The following PWWP3A variants were observed in gnomAD, a reference collection of about 807,000 sequenced individuals.
The protein encoded by PWWP3A is PWWP domain containing 3A, DNA repair factor, also known as PWWP domain-containing DNA repair factor 3A.
In PWWP3A, 53 loss-of-function variants were observed where a neutral mutation model predicts 79.0. That is an observed-to-expected ratio of 0.67 (90% CI 0.54 to 0.84). The LOEUF (loss-of-function observed/expected upper bound fraction) is 0.84, where lower values mean the gene tolerates loss of function less well. Ranked by LOEUF, PWWP3A falls within the 40% of genes least tolerant of loss-of-function variation. The pLI is 0.00. For synonymous variants in PWWP3A, 443 were observed against 394.4 expected (o/e 1.12, Z -1.46); for missense variants, 973 against 948.0 (o/e 1.03, Z -0.35).
chr19:1,360,612 G>A lies in PWWP3A; in HGVS notation c.691G>A (p.Gly231Arg). ...SAQKASLCLN[G>R]SSLSEDDTER... is the part of the protein sequence containing the mutation. ...GCAGAAGGCTAGCTTGTGCCTGAAT[G>A]GATCTTCCCTTTCAGAGGACGACAC... Residue 231 changes from glycine to arginine, a missense_variant, in exon 5 of 14, where the codon GGA (glycine) becomes AGA (arginine). Gly to Arg is a moderately radical substitution (Grantham distance 125). Coordinates refer to ENST00000591337, the MANE Select transcript of PWWP3A (RefSeq NM_001369789.1). This position sits in a 1 kb window ranked among gnomAD's most constrained non-coding sequence, Gnocchi z 4.4. 1.2e-6 allele frequency: 2 copies of A among 1,614,126 alleles called. No individual in the cohort carries two copies. The highest frequency in any genetic ancestry group is 1.7e-6 in the Non-Finnish European group (2 of 1,179,976).
chr19:1,376,856 C>G lies in PWWP3A; in HGVS notation c.*280C>G. The G allele has an allele frequency of 2.9e-6, 1 of 344,686 alleles. No homozygotes were observed. Among genetic ancestry groups the G allele is most frequent in the South Asian group, 5.0e-5 (1 of 19,896 alleles). The allele number at this position is 344,686 out of a possible 1,614,324, so 21.4% of individuals were successfully genotyped here. A position where few individuals can be genotyped will look rare whatever the true frequency, so the allele number is the denominator to read the frequency against. On this transcript the variant is annotated 3_prime_UTR_variant, in exon 14 of 14. Transcript: ENST00000591337. ...TTTTGAAAGGACGGAAGCGTATTCA[C>G]TGTGCGCCAGTACTCCTGGCTGTGC... is the stretch of plus-strand genomic sequence containing the variant.
intron 8 of PWWP3A, among the ~76,000 whole-genome samples, chr19:1,366,692 C>G (rs1001474118): frequency 6.6e-6 from 1 of 152,242 alleles, no homozygotes; most frequent in African/African-American, 2.4e-5. Flanking sequence ...CACAAACCAG[C>G]AAAATGTCCA....
chr19:1,360,228 A>T lies in PWWP3A; in HGVS notation c.307A>T (p.Ile103Phe). 1.9e-6 allele frequency: 3 copies of T among 1,613,900 alleles called. No homozygotes were observed. The highest frequency in any genetic ancestry group is 2.5e-6 in the Non-Finnish European group (3 of 1,179,916). The change falls in exon 5 of 14, where the codon ATT becomes TTT. Residue 103 changes from isoleucine to phenylalanine, a missense_variant. Ile to Phe is a conservative substitution (Grantham distance 21). Coordinates refer to ENST00000591337, the MANE Select transcript of PWWP3A (RefSeq NM_001369789.1). This position sits in a 1 kb window ranked among gnomAD's most constrained non-coding sequence, Gnocchi z 4.4. ...TCTGGACGTTCTGAGCGAGGGCTCGATTTGGAGTCAAGAAAGCTCTGCAGG... is the reference window on the plus strand; with the variant it reads ...TCTGGACGTTCTGAGCGAGGGCTCGTTTTGGAGTCAAGAAAGCTCTGCAGG... Reference protein sequence around the residue: ...VALDVLSEGSIWSQESSAGTG... With the variant: ...VALDVLSEGSFWSQESSAGTG...
rs556572111 is a variant in PWWP3A, at chr19:1,370,356, G to A, written c.1550-286G>A. ...CCTCCTGGTTGGTGGAGGAGTGGAC[G>A]TGGCTGAATTGATTCTGCTTGGGCA... On this transcript the variant is annotated intron_variant, in intron 11 of 13. Transcript: ENST00000591337. 1.4e-4 allele frequency among the ~76,000 whole-genome samples: 21 copies of A among 152,328 alleles called. No homozygotes were observed. In the South Asian group the frequency reaches 4.4e-3, roughly 32 times the overall value.
rs200017771 is a variant in PWWP3A at position 1,376,315 on chromosome 19, T to G, written c.2076-204T>G. Among the ~76,000 whole-genome samples, 435 of 134,444 alleles carry G rather than the reference T, an allele frequency of 3.2e-3. 34 individuals are homozygous for G. The highest frequency in any genetic ancestry group is 0.015 in the South Asian group (60 of 3,946). The allele number at this position is 134,444 out of a possible 152,430, so 88.2% of individuals were successfully genotyped here. A position where few individuals can be genotyped will look rare whatever the true frequency, so the allele number is the denominator to read the frequency against. On this transcript the variant is annotated intron_variant, in intron 13 of 13. Transcript: ENST00000591337. The stretch of plus-strand genomic sequence containing the variant: ...TGTTTGTTTTTTTTTTTGTTTGTTT[T>G]TTTTTTTTTTTGGTATTTTTTGTAG...
chr19:1,372,976 C>G (rs1568959636), intron 12 of PWWP3A, 96 bp from the exon 13 acceptor site: 1 of 986,020 alleles, frequency 1.0e-6, no homozygotes, highest in Non-Finnish European at 1.6e-6. Context: ...AGGCTGGAAC[C>G]TGGTGACCCA....
chr19:1,367,129 C>A (rs1476356977), intron 8 of PWWP3A, 31 bp from the exon 9 acceptor site: 2 of 1,578,446 alleles, frequency 1.3e-6, no homozygotes, highest in East Asian at 2.2e-5. Flanking sequence ...GAAGTTCATT[C>A]ATGTTAACTT....
At chr19:1,364,186 C>T (rs139682718) in intron 6 of PWWP3A, 13 of 556,478 alleles carry the variant, frequency 2.3e-5, no homozygotes, top group East Asian at 1.4e-4. Flanking sequence ...TTAGGAAAGT[C>T]GCGCACACAT....
In PWWP3A at chr19:1,360,860, C is replaced by T. The variant is rs776190149; in HGVS notation, c.939C>T (p.Ala313=). The T allele has an allele frequency of 2.6e-5, 40 of 1,546,614 alleles. No homozygotes were observed. In the East Asian group the frequency reaches 2.9e-4, roughly 11 times the overall value. Residue 313 remains alanine (A), a synonymous_variant, in exon 5 of 14, where the codon GCC becomes GCT. Transcript: ENST00000591337. This position sits in a 1 kb window ranked among gnomAD's most constrained non-coding sequence, Gnocchi z 4.4. ...TGGATGGCAGCCAAAGGCCGCCTGC[C>T]GTGCAGCTGGAGCCCATGGCAGCAG... The part of the protein sequence containing the change: ...PRLDGSQRPP[A]VQLEPMAAGA...
rs1418625226 is a variant in PWWP3A, at chr19:1,375,886, AC to A, written c.2076-626del. Among the ~76,000 whole-genome samples the A allele has an allele frequency of 3.5e-5, 5 of 143,338 alleles. No individual in the cohort carries two copies. The East Asian group carries it at 5.9e-4, about 17-fold the overall frequency. The allele number at this position is 143,338 out of a possible 152,430, so 94.0% of individuals were successfully genotyped here. On this transcript the variant is annotated intron_variant, in intron 13 of 13. Transcript: ENST00000591337. ...AGTGGCACAGTCTCGGCCCACTGCA[AC>A]CCCCCCACCGTGCCTTGGTTCAAGC...
At chr19:1,375,529 T>G (rs1408485291) in intron 13 of PWWP3A, among the ~76,000 whole-genome samples, 8 of 113,472 alleles carry the variant, frequency 7.1e-5, no homozygotes, top group African/African-American at 2.8e-4. Context: ...ATCATATAAT[T>G]TATATATTTT....
intron 1 of PWWP3A, 23 bp downstream of exon 1, chr19:1,355,158 CT>C (rs1368124942): frequency 6.6e-6 from 1 of 152,146 alleles, no homozygotes; most frequent in Non-Finnish European, 1.5e-5. Context: ...GATGCGTCCC[CT>C]CGGTTCCGCC....
rs529715749 is a variant in PWWP3A, at chr19:1,369,407, C to T, written c.1498+67C>T. 1.8e-4 allele frequency: 288 copies of T among 1,567,502 alleles called. No individual in the cohort carries two copies. The highest frequency in any genetic ancestry group is 1.8e-3 in the African/African-American group (132 of 74,018). ...GTCCAGCCTCTGAAGACCCCTTGGA[C>T]GGGCTGGGCCGGAGCTGCCTGGAGG... is the stretch of plus-strand genomic sequence containing the variant. On this transcript the variant is annotated intron_variant, in intron 10 of 13. Transcript: ENST00000591337. This position sits in a 1 kb window ranked among gnomAD's most constrained non-coding sequence, Gnocchi z 4.0.
intron 13 of PWWP3A, among the ~76,000 whole-genome samples, chr19:1,375,516 A>G (rs1216634182): frequency 8.5e-6 from 1 of 116,960 alleles, no homozygotes; most frequent in African/African-American, 3.3e-5. Flanking sequence ...TATAATATAT[A>G]AAATCATATA....
chr19:1,366,214 T>C, intron 7 of PWWP3A, 91 bp from the exon 8 acceptor site: 3 of 1,287,064 alleles, frequency 2.3e-6, no homozygotes, highest in South Asian at 2.5e-5. Flanking sequence ...GGTCAGCGCC[T>C]GTTAGATGTA....
In PWWP3A at chr19:1,370,754, G is replaced by A; in HGVS notation, c.1662G>A (p.Gln554=). The change falls in exon 12 of 14, where the codon CAG becomes CAA. Residue 554 remains glutamine (Q), a synonymous_variant. Coordinates refer to ENST00000591337, the MANE Select transcript of PWWP3A (RefSeq NM_001369789.1). ...TGGGGTGCCCCCTGGGGCAGAGGCA[G>A]CCCTGCCGGAAAATGCTCCCCGACC... ...PVVGCPLGQR[Q]PCRKMLPDRS... The A allele has an allele frequency of 1.3e-6, 2 of 1,503,492 alleles. No homozygotes were observed. The highest frequency in any genetic ancestry group is 1.3e-5 in the South Asian group (1 of 76,004). The allele number at this position is 1,503,492 out of a possible 1,614,324, so 93.1% of individuals were successfully genotyped here.
At position 1,360,138 on chromosome 19, in the gene PWWP3A, T is replaced by A; in HGVS notation, c.217T>A (p.Ser73Thr). 6.4e-7 allele frequency: 1 copy of A among 1,552,134 alleles called. No individual in the cohort carries two copies. The highest frequency in any genetic ancestry group is 2.3e-5 in the East Asian group (1 of 44,374). The change falls in exon 5 of 14, where the codon TCA becomes ACA. Residue 73 changes from serine to threonine, a missense_variant and splice_region_variant. Transcript: ENST00000591337. The surrounding 1 kb of genome is among the most constrained non-coding windows in gnomAD (Gnocchi z 4.4). ...TTGTGTATGTTCGGTCCTTGCAGCC[T>A]CACAGAATGAGGTTCCTGCGGCACC... ...QIEAIASSLA[S>T]QNEVPAAPLE...
rs367727311 is a variant in PWWP3A at position 1,360,679 on chromosome 19, C to T, written c.758C>T (p.Pro253Leu). 121 of 1,613,120 alleles carry T rather than the reference C, an allele frequency of 7.5e-5. No homozygotes were observed. The highest frequency in any genetic ancestry group is 3.5e-4 in the South Asian group (32 of 90,998). ...AGCAAAGGAGGCAGCTGGGCAGCCC[C>T]GTCCTTGCCCTCCGGGGTCAGGGAG... ...MGSKGGSWAA[P>L]SLPSGVREDD... The change falls in exon 5 of 14, where the codon CCG (proline) becomes CTG (leucine). Residue 253 changes from proline (P) to leucine (L), a missense_variant. By Grantham distance (98) the Pro-to-Leu change is moderately conservative (BLOSUM62 -3). Coordinates refer to ENST00000591337, the MANE Select transcript of PWWP3A (RefSeq NM_001369789.1). The surrounding 1 kb of genome is among the most constrained non-coding windows in gnomAD (Gnocchi z 4.4).
chr19:1,373,204 C>G (rs1357063267), intron 13 of PWWP3A, 44 bp downstream of exon 13: 2 of 1,555,006 alleles, frequency 1.3e-6, no homozygotes, highest in Non-Finnish European at 1.8e-6. Context: ...GCGTCTCTGC[C>G]TTGCAGTTTC....
Sources: allele counts gnomAD v4.1 joint callset (sites outside exome capture counted in the v4.1 genomes callset), GRCh38; gene constraint gnomAD v4.1.1; non-coding constraint Gnocchi (gnomAD v3.1); transcripts MANE v1.5; gene names NCBI Gene and HGNC (gene_info 2026-07-23, HGNC 2026-07-21).